Variants in PNPLA1 observed in about 807,000 individuals in gnomAD.
PNPLA1 encodes the protein patatin like domain 1, omega-hydroxyceramide transacylase.
PNPLA1 carries 36 observed loss-of-function variants against 51.7 expected under a neutral mutation model. The ratio of observed to expected loss-of-function variants is 0.70; its 90% confidence interval spans 0.53 to 0.92. PNPLA1 has a LOEUF of 0.92. Among genes scored for constraint, PNPLA1 ranks in the 40% least tolerant of loss-of-function variants. The pLI is 0.00. For missense variants in PNPLA1, 658 were observed against 682.5 expected (o/e 0.96, Z 0.40); for synonymous variants, 293 against 280.1 (o/e 1.05, Z -0.46).
intron 1 of PNPLA1, among the ~76,000 whole-genome samples, chr6:36,244,866 G>T (rs1769231205): frequency 6.6e-6 from 1 of 152,242 alleles, no homozygotes; most frequent in African/African-American, 2.4e-5. Flanking sequence ...AGAAAGTGAG[G>T]CATTTACTGC....
At chr6:36,305,768 C>CTTTT (rs72063246) in intron 6 of PNPLA1, among the ~76,000 whole-genome samples, 13 of 96,562 alleles carry the variant, frequency 1.3e-4, no homozygotes, top group South Asian at 3.7e-4. Flanking sequence ...TTACTTTTCT[C>CTTTT]TTTTTTTTTT....
At chr6:36,268,773 G>C (rs78890524), upstream of PNPLA1, among the ~76,000 whole-genome samples, 6,408 of 152,282 alleles carry the variant, frequency 0.042, 370 homozygotes, top group African/African-American at 0.13. Flanking sequence ...TGGGGATGGA[G>C]CTTCTGTGTG....
At chr6:36,310,943 C>T (rs1350164933) in intron 8 of PNPLA1, among the ~76,000 whole-genome samples, 1 of 152,240 alleles carries the variant, frequency 6.6e-6, no homozygotes, top group Non-Finnish European at 1.5e-5. Flanking sequence ...CATGTCAGAA[C>T]CTTATGACCA....
intron 1 of PNPLA1, among the ~76,000 whole-genome samples, chr6:36,247,999 T>C (rs1272939554): frequency 6.6e-6 from 1 of 152,188 alleles, no homozygotes; most frequent in African/African-American, 2.4e-5. Context: ...ACATGGGTGC[T>C]GCTGGTAGAG....
At chr6:36,270,702 G>T in intron 1 of PNPLA1, 38 bp downstream of exon 1, 2 of 1,543,774 alleles carry the variant, frequency 1.3e-6, no homozygotes, top group South Asian at 1.2e-5. Flanking sequence ...GAAGTCTCTT[G>T]GGGGATTCCA....
chr6:36,244,144 C>G (rs1769211131), intron 1 of PNPLA1, among the ~76,000 whole-genome samples: 1 of 152,158 alleles, frequency 6.6e-6, no homozygotes, highest in Non-Finnish European at 1.5e-5. Flanking sequence ...TTCTCCTCCT[C>G]CTCCTTCCTC....
intron 8 of PNPLA1, 89 bp downstream of exon 8, chr6:36,307,801 G>GT (rs756516036): frequency 1.1e-4 from 171 of 1,517,666 alleles, no homozygotes; most frequent in Non-Finnish European, 1.3e-4. Context: ...AGAGGAGAGT[G>GT]TAAGGGAGTA....
At chr6:36,246,416 G>A (rs1472052564) in intron 1 of PNPLA1, among the ~76,000 whole-genome samples, 1 of 152,062 alleles carries the variant, frequency 6.6e-6, no homozygotes, top group African/African-American at 2.4e-5. Context: ...TGCCCAGGCC[G>A]ATCTTGAACT....
chr6:36,243,171 C>T (rs1005338960), upstream of PNPLA1: 12 of 152,180 alleles, frequency 7.9e-5, no homozygotes, highest in Admixed American at 7.9e-4. Context: ...GCATGACAGA[C>T]ACAAAATCAG....
chr6:36,259,063 T>C (rs940027479), intron 1 of PNPLA1, among the ~76,000 whole-genome samples: 1 of 152,162 alleles, frequency 6.6e-6, no homozygotes, highest in African/African-American at 2.4e-5. Context: ...CATTTCCAAC[T>C]CATCATTGTG....
chr6:36,250,102 T>A (rs1219739815), intron 1 of PNPLA1, among the ~76,000 whole-genome samples: 1 of 152,216 alleles, frequency 6.6e-6, no homozygotes. Flanking sequence ...CCCTTCCTTG[T>A]CATCTCCAAC....
intron 5 of PNPLA1, 85 bp downstream of exon 5, chr6:36,295,509 T>TC (rs1404984635): frequency 5.0e-6 from 7 of 1,413,148 alleles, no homozygotes; most frequent in African/African-American, 2.8e-5. Context: ...GGAGGGGTAT[T>TC]CCCCCCAGAT....
At chr6:36,271,469 T>C (rs1212519553) in intron 1 of PNPLA1, among the ~76,000 whole-genome samples, 1 of 152,148 alleles carries the variant, frequency 6.6e-6, no homozygotes, top group Non-Finnish European at 1.5e-5. Flanking sequence ...GGAGCAGAAA[T>C]TCTAGAGAAA....
chr6:36,309,438 G>C (rs994376494), intron 8 of PNPLA1, among the ~76,000 whole-genome samples: 1 of 152,248 alleles, frequency 6.6e-6, no homozygotes, highest in South Asian at 2.1e-4. Context: ...ACGGATCTGC[G>C]GTGGGTGTGG....
At chr6:36,269,358 C>T (rs928146754), upstream of PNPLA1, among the ~76,000 whole-genome samples, 1 of 152,124 alleles carries the variant, frequency 6.6e-6, no homozygotes, top group Non-Finnish European at 1.5e-5. Context: ...TGATACAGCC[C>T]CTCAGGGGGC....
chr6:36,267,072 T>A (rs1293705776), upstream of PNPLA1, among the ~76,000 whole-genome samples: 1 of 152,208 alleles, frequency 6.6e-6, no homozygotes, highest in South Asian at 2.1e-4. Context: ...AAGTGTGTGA[T>A]AAGCAATCTG....
chr6:36,289,415 A>AG (rs1770605970), intron 1 of PNPLA1, among the ~76,000 whole-genome samples: 1 of 152,156 alleles, frequency 6.6e-6, no homozygotes, highest in Non-Finnish European at 1.5e-5. Context: ...ATCACCTGTG[A>AG]GTGGGTTAGC....
chr6:36,295,323 C>A, intron 4 of PNPLA1, 41 bp from the exon 5 acceptor site: 2 of 1,609,572 alleles, frequency 1.2e-6, no homozygotes, highest in South Asian at 1.1e-5. Flanking sequence ...CTCCCTTCCT[C>A]CCCGCAGCCT....
intron 1 of PNPLA1, among the ~76,000 whole-genome samples, chr6:36,258,191 G>A (rs1769570339): frequency 6.6e-6 from 1 of 152,166 alleles, no homozygotes; most frequent in African/African-American, 2.4e-5. Flanking sequence ...TCCTGCACAT[G>A]TGGGGTTCAG....
Sources: allele counts gnomAD v4.1 joint callset (sites outside exome capture counted in the v4.1 genomes callset), GRCh38; gene constraint gnomAD v4.1.1; transcripts MANE v1.5; gene names NCBI Gene and HGNC (gene_info 2026-07-23, HGNC 2026-07-21).